The following HMCN1 variants were observed in gnomAD, a reference collection of about 807,000 sequenced individuals.
The protein encoded by HMCN1 is hemicentin 1.
HMCN1 carries 321 observed loss-of-function variants against 625.9 expected under a neutral mutation model. The ratio of observed to expected loss-of-function variants is 0.51; its 90% CI spans 0.47 to 0.56. The LOEUF (loss-of-function observed/expected upper bound fraction) is 0.56, where lower values mean the gene tolerates loss of function less well. HMCN1 is among the 20% of genes least tolerant of loss of function. The pLI is 0.00. For synonymous variants in HMCN1, 2,425 were observed against 2,417.6 expected, an observed-to-expected ratio of 1.00 and a Z score of -0.09; for missense variants, 6,588 against 6,887.3, an observed-to-expected ratio of 0.96 and a Z score of 1.54.
At chr1:186,052,252 AG>A (rs1267531186) in intron 42 of HMCN1, among the ~76,000 whole-genome samples, 1 of 151,964 alleles carries the variant, frequency 6.6e-6, no homozygotes, top group Non-Finnish European at 1.5e-5. Context: ...GGGGTAAAGG[AG>A]GATTCTCCCA....
rs1360102679 is a variant in HMCN1 at position 185,963,868 on chromosome 1, A to G, written c.2071A>G (p.Lys691Glu). 6.2e-7 allele frequency: 1 copy of G among 1,612,322 alleles called. No individual in the cohort carries two copies. Among genetic ancestry groups the G allele is most frequent in the East Asian group, 2.2e-5 (1 of 44,760 alleles). Residue 691 changes from lysine to glutamate, a missense_variant, in exon 13 of 107, where the codon AAA (lysine) becomes GAA (glutamate). Physicochemically the swap from Lys to Glu is moderately conservative, Grantham distance 56. Around this residue, in one of 3 missense-constraint regions of HMCN1, gnomAD observed 4,628 missense variants for 4,853.1 expected, o/e 0.95. Coordinates refer to ENST00000271588, the MANE Select transcript of HMCN1 (RefSeq NM_031935.3). ...AGCAAGTAATTCAGCTGGAACAGAT[A>G]AACAGAATTCTACTCTCAGATACAT... ...CLASNSAGTD[K>E]QNSTLRYIEA...
rs77092309 is a variant in HMCN1 at position 186,086,438 on chromosome 1, A to G, written c.9046+31A>G. 4,959 of 1,603,960 alleles carry G rather than the reference A, an allele frequency of 3.1e-3. 127 individuals are homozygous for G. The African/African-American group carries it at 0.058, about 19-fold the overall frequency. On this transcript the variant is annotated intron_variant, in intron 58 of 106. Transcript: ENST00000271588. ...GAACTTCTTATTATAAAGCAGGCAA[A>G]ATTTTCTCATCTTTATTTTAATACA...
chr1:186,075,170 A>G (rs1216851053), intron 53 of HMCN1, among the ~76,000 whole-genome samples: 1 of 152,100 alleles, frequency 6.6e-6, no homozygotes, highest in Non-Finnish European at 1.5e-5. Flanking sequence ...CATTCCCTTA[A>G]CTTTATATCA....
chr1:186,016,889 A>G lies in HMCN1; in HGVS notation c.5192-74A>G, dbSNP rs565487170. 1.2e-4 allele frequency: 100 copies of G among 833,064 alleles called. 2 individuals are homozygous for G. Among genetic ancestry groups the G allele is most frequent in the South Asian group, 1.1e-3 (83 of 75,010 alleles). The allele number at this position is 833,064 out of a possible 1,614,324, so 51.6% of individuals were successfully genotyped here. A position where few individuals can be genotyped will look rare whatever the true frequency, so the allele number is the denominator to read the frequency against. ...CTATCAATCTTCTGAACTGCTATGT[A>G]TTATTGCTTCATATGATGGTGTGTT... On this transcript the variant is annotated intron_variant, in intron 32 of 106. Transcript: ENST00000271588.
At chr1:185,948,694 G>A (rs2102526303) in intron 11 of HMCN1, among the ~76,000 whole-genome samples, 1 of 151,968 alleles carries the variant, frequency 6.6e-6, no homozygotes, top group South Asian at 2.1e-4. Context: ...AGTCACAGGG[G>A]ATGCGATGGC....
intron 15 of HMCN1, among the ~76,000 whole-genome samples, chr1:185,975,842 A>C (rs1251772696): frequency 1.3e-5 from 2 of 151,996 alleles, no homozygotes; most frequent in Admixed American, 1.3e-4. Flanking sequence ...GCCACGTGAA[A>C]GTTCAATGTA....
At chr1:186,039,537 T>A (rs1656069152) in intron 38 of HMCN1, among the ~76,000 whole-genome samples, 191 bp from the exon 39 acceptor site, 1 of 152,176 alleles carries the variant, frequency 6.6e-6, no homozygotes, top group Non-Finnish European at 1.5e-5. Context: ...GAGAAATTGA[T>A]ACTTGCTCTG....
At chr1:185,812,968 T>A (rs1430300308) in intron 1 of HMCN1, among the ~76,000 whole-genome samples, 1 of 152,078 alleles carries the variant, frequency 6.6e-6, no homozygotes. Flanking sequence ...TGTACATGAG[T>A]ACAGTTTTCA....
chr1:185,875,260 A>C (rs1273484077), intron 4 of HMCN1, among the ~76,000 whole-genome samples: 1 of 151,998 alleles, frequency 6.6e-6, no homozygotes, highest in Non-Finnish European at 1.5e-5. Flanking sequence ...TTGTTTTTAA[A>C]ATAAAGGAAA....
chr1:185,937,204 A>G (rs951861968), intron 11 of HMCN1, among the ~76,000 whole-genome samples: 3 of 152,228 alleles, frequency 2.0e-5, no homozygotes, highest in Non-Finnish European at 2.9e-5. Flanking sequence ...GTGTGTATTC[A>G]TATGGTGTCT....
intron 8 of HMCN1, among the ~76,000 whole-genome samples, chr1:185,924,562 C>A (rs1667178148): frequency 6.6e-6 from 1 of 152,022 alleles, no homozygotes; most frequent in Non-Finnish European, 1.5e-5. Context: ...AAGAATAGAA[C>A]CAACCTCAAT....
chr1:185,803,218 A>G (rs1246546159), intron 1 of HMCN1, among the ~76,000 whole-genome samples: 1 of 139,542 alleles, frequency 7.2e-6, no homozygotes, highest in Non-Finnish European at 1.5e-5. Flanking sequence ...AAAAAAAAAA[A>G]AAAAACAAAA....
chr1:185,990,481 TAATC>T, intron 22 of HMCN1, 38 bp downstream of exon 22: 1 of 1,579,858 alleles, frequency 6.3e-7, no homozygotes, highest in Non-Finnish European at 8.7e-7. Context: ...CATGAAAACA[TAATC>T]AACCTCTTGG....
At chr1:186,066,806 T>C (rs1445504071) in intron 49 of HMCN1, among the ~76,000 whole-genome samples, 1 of 152,242 alleles carries the variant, frequency 6.6e-6, no homozygotes. Context: ...TCTTAAATAC[T>C]GGGTTCCCTA....
At chr1:186,108,796 T>C (rs148433038) in intron 71 of HMCN1, among the ~76,000 whole-genome samples, 199 bp downstream of exon 71, 32 of 152,316 alleles carry the variant, frequency 2.1e-4, no homozygotes, top group African/African-American at 7.7e-4. Context: ...TAGTTAATAG[T>C]TGGTCATGGG....
intron 1 of HMCN1, among the ~76,000 whole-genome samples, chr1:185,785,252 G>A (rs766371897): frequency 2.0e-5 from 3 of 152,152 alleles, no homozygotes; most frequent in Non-Finnish European, 4.4e-5. Context: ...GATGACATTA[G>A]TGGAAAATTT....
intron 32 of HMCN1, 23 bp from the exon 33 acceptor site, chr1:186,016,940 G>A: frequency 7.7e-7 from 1 of 1,296,846 alleles, no homozygotes; most frequent in African/African-American, 1.5e-5. Flanking sequence ...TTCTTTGCAT[G>A]TTACATTCCT....
At chr1:185,997,999 C>G (rs1438247124) in intron 25 of HMCN1, among the ~76,000 whole-genome samples, 1 of 152,092 alleles carries the variant, frequency 6.6e-6, no homozygotes, top group African/African-American at 2.4e-5. Flanking sequence ...TGTAAATTGT[C>G]ACTTGGAGGT....
chr1:186,041,317 T>C (rs958466948), intron 40 of HMCN1, among the ~76,000 whole-genome samples, 181 bp downstream of exon 40: 2 of 152,146 alleles, frequency 1.3e-5, no homozygotes, highest in African/African-American at 4.8e-5. Flanking sequence ...GATTTTCCTT[T>C]TTTAAAGTTC....
Sources: gnomAD v4.1 joint callset for allele counts (sites outside exome capture counted in the v4.1 genomes callset) on GRCh38, gnomAD v4.1.1 for gene constraint, gnomAD v4.1.1 regional missense constraint, MANE v1.5 for transcripts, NCBI Gene and HGNC (gene_info 2026-07-23, HGNC 2026-07-21) for gene names.